The following GPR141 variants were observed in gnomAD, a reference collection of about 807,000 sequenced individuals.
The protein encoded by GPR141 is probable G protein-coupled receptor 141.
In GPR141, 6 loss-of-function variants were observed where a neutral mutation model predicts 6.8. That is an observed-to-expected ratio of 0.88 (90% CI 0.48 to 1.74). The LOEUF is 1.74. GPR141 is among the 40% of genes most tolerant of loss of function. GPR141 has a pLI of 0.01. For synonymous variants in GPR141, 140 were observed against 142.3 expected, an observed-to-expected ratio of 0.98 and a Z score of 0.11; for missense variants, 372 against 372.9, an observed-to-expected ratio of 1.00 and a Z score of 0.02.
chr7:37,694,032 A>C (rs1001037614), intron 2 of GPR141, among the ~76,000 whole-genome samples: 2 of 152,174 alleles, frequency 1.3e-5, no homozygotes, highest in Non-Finnish European at 2.9e-5. Context: ...TAGGTGCTGC[A>C]GGGTATGACC....
chr7:37,703,138 C>T (rs1810368203), intron 2 of GPR141, among the ~76,000 whole-genome samples: 1 of 152,090 alleles, frequency 6.6e-6, no homozygotes, highest in Non-Finnish European at 1.5e-5. Flanking sequence ...AAGAATTTTA[C>T]TGTGTACACA....
At position 37,742,313 on chromosome 7, in the gene GPR141, TAG is replaced by T; in HGVS notation, c.*1003_*1004del. Among the ~76,000 whole-genome samples, 1 of 152,064 alleles carries T rather than the reference TAG, an allele frequency of 6.6e-6. No individual in the cohort carries two copies. The highest frequency in any genetic ancestry group is 1.5e-5 in the Non-Finnish European group (1 of 68,012). On this transcript the variant is annotated 3_prime_UTR_variant, in exon 3 of 3. Coordinates refer to ENST00000334425, the MANE Select transcript of GPR141 (RefSeq NM_001381946.1). Reference sequence around the variant, plus strand: ...GTGCAGAATGTGCAGGTTTGTTACATAGGTATACACGTGCCATGGTGGTTTGC... The same window carrying T: ...GTGCAGAATGTGCAGGTTTGTTACATGTATACACGTGCCATGGTGGTTTGC...
At chr7:37,701,377 C>T (rs779241076) in intron 2 of GPR141, among the ~76,000 whole-genome samples, 1 of 152,134 alleles carries the variant, frequency 6.6e-6, no homozygotes, top group Non-Finnish European at 1.5e-5. Context: ...TGGAGGGAGA[C>T]TTGCTTCATG....
rs946633075 is a variant in GPR141 at position 37,718,166 on chromosome 7, T to A, written c.-14-22214T>A. ...CTCAGCACCCTCATGGGGACTATAG[T>A]CTAGTGAGGAAAATGGTCAATTCAT... On this transcript the variant is annotated intron_variant, in intron 2 of 2. Transcript: ENST00000334425. Among the ~76,000 whole-genome samples, 33 of 152,114 alleles carry A rather than the reference T, an allele frequency of 2.2e-4. 1 individual carries two copies. The highest frequency in any genetic ancestry group is 6.8e-3 in the Middle Eastern group (2 of 294).
chr7:37,712,798 T>C (rs1194573983), intron 2 of GPR141, among the ~76,000 whole-genome samples: 3 of 152,354 alleles, frequency 2.0e-5, no homozygotes, highest in East Asian at 3.9e-4. Context: ...TTTATCCTTA[T>C]GGACCTGTGT....
chr7:37,696,482 G>T (rs780760114), intron 2 of GPR141, among the ~76,000 whole-genome samples: 4 of 151,994 alleles, frequency 2.6e-5, no homozygotes, highest in Non-Finnish European at 5.9e-5. Context: ...AACATATATT[G>T]TCAATTCCCT....
chr7:37,722,533 C>G (rs1209721939), intron 2 of GPR141, among the ~76,000 whole-genome samples: 1 of 151,772 alleles, frequency 6.6e-6, no homozygotes, highest in Non-Finnish European at 1.5e-5. Context: ...ACTAGCCTGG[C>G]CAACATGGTG....
chr7:37,698,707 A>G (rs1810138933), intron 2 of GPR141, among the ~76,000 whole-genome samples: 1 of 152,226 alleles, frequency 6.6e-6, no homozygotes, highest in African/African-American at 2.4e-5. Context: ...GTGCTTAGAC[A>G]AAATTTTGCA....
chr7:37,726,106 T>C (rs1388930117), intron 2 of GPR141, among the ~76,000 whole-genome samples: 2 of 152,200 alleles, frequency 1.3e-5, no homozygotes, highest in African/African-American at 4.8e-5. Flanking sequence ...GTGTTTTAAT[T>C]TGGTATGAAC....
chr7:37,697,590 G>C (rs909522185), intron 2 of GPR141, among the ~76,000 whole-genome samples: 2 of 152,170 alleles, frequency 1.3e-5, no homozygotes, highest in Admixed American at 1.3e-4. Flanking sequence ...GGTGGTTTAG[G>C]AAGGAGGGAG....
At chr7:37,740,201 A>G (rs1445356131) in intron 2 of GPR141, among the ~76,000 whole-genome samples, 179 bp from the exon 3 acceptor site, 1 of 152,206 alleles carries the variant, frequency 6.6e-6, no homozygotes, top group Admixed American at 6.5e-5. Context: ...TCAATGGCTT[A>G]CTGTGTTTTA....
intron 2 of GPR141, among the ~76,000 whole-genome samples, chr7:37,738,690 G>T (rs1158594024): frequency 1.3e-5 from 2 of 151,606 alleles, no homozygotes; most frequent in African/African-American, 2.4e-5. Context: ...TAAGTTATAT[G>T]CAATAAAAAT....
chr7:37,725,679 T>A (rs1811593132), intron 2 of GPR141, among the ~76,000 whole-genome samples: 1 of 152,228 alleles, frequency 6.6e-6, no homozygotes. Context: ...TTATGGTTGG[T>A]GAACCACAAT....
At chr7:37,723,735 T>C (rs1046896385) in intron 2 of GPR141, among the ~76,000 whole-genome samples, 3 of 152,130 alleles carry the variant, frequency 2.0e-5, no homozygotes, top group Admixed American at 2.0e-4. Context: ...GTTGGGTGGA[T>C]TAAGTAGGCC....
At chr7:37,684,252 G>A (rs570489809) in intron 1 of GPR141, among the ~76,000 whole-genome samples, 5 of 152,242 alleles carry the variant, frequency 3.3e-5, no homozygotes, top group African/African-American at 1.2e-4. Context: ...TCTTTTAAGT[G>A]ATGTCTTAAT....
In GPR141 at chr7:37,724,977, G is replaced by A. The variant is rs149349019; in HGVS notation, c.-14-15403G>A. ...CCTGGAATTTAGCCAGTGACAAGCCGTGCTAGCTTTCAAAGGTCGCTGTGT... is the reference window on the plus strand; with the variant it reads ...CCTGGAATTTAGCCAGTGACAAGCCATGCTAGCTTTCAAAGGTCGCTGTGT... On this transcript the variant is annotated intron_variant, in intron 2 of 2. Coordinates refer to ENST00000334425, the MANE Select transcript of GPR141 (RefSeq NM_001381946.1). Among the ~76,000 whole-genome samples the A allele has an allele frequency of 3.7e-3, 559 of 152,290 alleles. 5 individuals are homozygous for A. Among genetic ancestry groups the A allele is most frequent in the African/African-American group, 0.012 (515 of 41,552 alleles).
intron 2 of GPR141, among the ~76,000 whole-genome samples, chr7:37,715,330 A>G (rs980047760): frequency 9.9e-5 from 15 of 152,054 alleles, no homozygotes; most frequent in Non-Finnish European, 1.8e-4. Flanking sequence ...GGATCTTACT[A>G]TGTTGCCCAG....
chr7:37,724,432 T>C (rs1158326873), intron 2 of GPR141, among the ~76,000 whole-genome samples: 2 of 152,200 alleles, frequency 1.3e-5, no homozygotes, highest in Non-Finnish European at 2.9e-5. Context: ...TTTTATATGT[T>C]ACTTAGGCAT....
In GPR141 at chr7:37,730,011, A is replaced by G. The variant is rs564444452; in HGVS notation, c.-14-10369A>G. 3 of 152,354 alleles carry G rather than the reference A, an allele frequency of 2.0e-5. No individual in the cohort carries two copies. In the South Asian group the frequency reaches 6.2e-4, roughly 32 times the overall value. 9.4% of individuals were successfully genotyped at this position (152,354 alleles called of 1,614,324 possible). ...ATTTCAATCATTTCTAGGTGTAAAG[A>G]AAGACCAGATCCCAGGAAAATATTA... On this transcript the variant is annotated intron_variant, in intron 2 of 2. Transcript: ENST00000334425.
Sources: gnomAD v4.1 joint callset for allele counts (sites outside exome capture counted in the v4.1 genomes callset) on GRCh38, gnomAD v4.1.1 for gene constraint, MANE v1.5 for transcripts, NCBI Gene and HGNC (gene_info 2026-07-23, HGNC 2026-07-21) for gene names.